Variants in PRR30 observed in about 807,000 individuals in gnomAD.
PRR30 encodes the protein proline rich 30, also known as proline-rich protein 30.
For missense variants in PRR30, 546 were observed against 525.3 expected, an observed-to-expected ratio of 1.04 and a Z score of -0.39; for synonymous variants, 229 against 222.7, an observed-to-expected ratio of 1.03 and a Z score of -0.25.
rs757157414 is a variant in PRR30 at position 27,137,754 on chromosome 2, C to T, written c.576G>A (p.Val192=). ...RDTGSGSPGV[V]ERCVPSEKDP... ...CCTTCTCGCTTGGCACGCATCTCTC[C>T]ACCACTCCAGGGGACCCGGACCCAG... The change falls in exon 3 of 3, where the codon GTG becomes GTA. Residue 192 remains valine, a synonymous_variant. Transcript: ENST00000335524. The surrounding 1 kb of genome is among the most constrained non-coding windows in gnomAD (Gnocchi z 4.3). 1.4e-5 allele frequency: 23 copies of T among 1,613,854 alleles called. No homozygotes were observed. The South Asian group carries it at 2.1e-4, about 15-fold the overall frequency.
intron 1 of PRR30, 105 bp downstream of exon 1, chr2:27,139,198 G>C (rs1376032065): frequency 6.6e-6 from 1 of 152,382 alleles, no homozygotes; most frequent in Non-Finnish European, 1.5e-5. Flanking sequence ...ATCCTGATTC[G>C]GGGGTTCTGC....
Position 27,136,900 on chromosome 2 carries a change from T to C in PRR30, c.*191A>G. On this transcript the variant is annotated 3_prime_UTR_variant, in exon 3 of 3. Coordinates refer to ENST00000335524, the MANE Select transcript of PRR30 (RefSeq NM_178553.4). ...CACGGAGGGCTGAATGGGGCCTTGG[T>C]GCCCTTGGTCCTCTTCAGCCTGGAG... 1.3e-6 allele frequency: 1 copy of C among 753,944 alleles called. No homozygotes were observed. The highest frequency in any genetic ancestry group is 2.1e-6 in the Non-Finnish European group (1 of 479,118). The allele number at this position is 753,944 out of a possible 1,614,324, so 46.7% of individuals were successfully genotyped here. A position where few individuals can be genotyped will look rare whatever the true frequency, so the allele number is the denominator to read the frequency against.
At position 27,137,786 on chromosome 2, in the gene PRR30, T is replaced by G. The variant is rs1280028373; in HGVS notation, c.544A>C (p.Arg182=). 3 of 1,608,768 alleles carry G rather than the reference T, an allele frequency of 1.9e-6. No homozygotes were observed. The highest frequency in any genetic ancestry group is 2.6e-6 in the Non-Finnish European group (3 of 1,176,226). ...CCAGGGGACCCGGACCCAGTGTCCC[T>G]GTACTGATGCCAGCGCCATGTCTGC... The part of the protein sequence containing the change: ...NRQTWRWHQY[R]DTGSGSPGVV... Residue 182 remains arginine, a synonymous_variant, in exon 3 of 3, where the codon AGG becomes CGG. Transcript: ENST00000335524. The surrounding 1 kb of genome is among the most constrained non-coding windows in gnomAD (Gnocchi z 4.3).
rs146122233 is a variant in PRR30 at position 27,137,454 on chromosome 2, G to T, written c.876C>A (p.Leu292=). The part of the protein sequence containing the change: ...PCVQGQESGP[L]RIGIGFGLRL... The stretch of plus-strand genomic sequence containing the variant: ...GGAGGCCGAAGCCGATGCCTATCCG[G>T]AGTGGCCCAGATTCCTGGCCCTGCA... The change falls in exon 3 of 3, where the codon CTC becomes CTA. Residue 292 remains leucine (L), a synonymous_variant. Coordinates refer to ENST00000335524, the MANE Select transcript of PRR30 (RefSeq NM_178553.4). The surrounding 1 kb of genome is among the most constrained non-coding windows in gnomAD (Gnocchi z 4.3). The T allele has an allele frequency of 2.9e-5, 46 of 1,612,108 alleles. No homozygotes were observed. The highest frequency in any genetic ancestry group is 3.4e-6 in the Non-Finnish European group (4 of 1,179,528).
chr2:27,138,509 C>T lies in PRR30; in HGVS notation c.-180G>A. 1 of 1,240,412 alleles carries T rather than the reference C, an allele frequency of 8.1e-7. No homozygotes were observed. The highest frequency in any genetic ancestry group is 2.9e-5 in the Admixed American group (1 of 33,958). The allele number at this position is 1,240,412 out of a possible 1,614,324, so 76.8% of individuals were successfully genotyped here. A position where few individuals can be genotyped will look rare whatever the true frequency, so the allele number is the denominator to read the frequency against. On this transcript the variant is annotated 5_prime_UTR_variant, in exon 3 of 3. Coordinates refer to ENST00000335524, the MANE Select transcript of PRR30 (RefSeq NM_178553.4). ...GGTGGCAGGCCAAGGGGATACCCAGCCCTCCAGCACCAGGCTCTCAGGGTG... is the reference window on the plus strand; with the variant it reads ...GGTGGCAGGCCAAGGGGATACCCAGTCCTCCAGCACCAGGCTCTCAGGGTG...
rs1398983154 is a variant in PRR30 at position 27,137,511 on chromosome 2, C to T, written c.819G>A (p.Arg273=). 1 of 1,595,784 alleles carries T rather than the reference C, an allele frequency of 6.3e-7. No homozygotes were observed. The highest frequency in any genetic ancestry group is 2.2e-5 in the East Asian group (1 of 44,662). ...CPLPRYRTGP[R]LLAFPQLLPC... The stretch of plus-strand genomic sequence containing the variant: ...GCAGTAGTTGAGGGAAAGCAAGCAG[C>T]CGGGGTCCAGTCCTGTACCTGGGGA... Residue 273 remains arginine (R), a synonymous_variant, in exon 3 of 3, where the codon CGG becomes CGA. Coordinates refer to ENST00000335524, the MANE Select transcript of PRR30 (RefSeq NM_178553.4). The surrounding 1 kb of genome is among the most constrained non-coding windows in gnomAD (Gnocchi z 4.3).
In PRR30 at chr2:27,137,273, T is replaced by TGCCTGGGACTGGGTCG. The variant is rs1446701066; in HGVS notation, c.1041_1056dup (p.Thr353ArgfsTer125). 6.2e-7 allele frequency: 1 copy of TGCCTGGGACTGGGTCG among 1,614,058 alleles called. No homozygotes were observed. The highest frequency in any genetic ancestry group is 1.3e-5 in the African/African-American group (1 of 74,930). Reference sequence around the variant, plus strand: ...CTGAAGCTCCTGGTCTGGGAGGGTGTGCCTGGGACTGGGTCGGCCCGGGCC... The same window carrying TGCCTGGGACTGGGTCG: ...CTGAAGCTCCTGGTCTGGGAGGGTGTGCCTGGGACTGGGTCGGCCTGGGACTGGGTCGGCCCGGGCC... On this transcript the variant is annotated frameshift_variant, in exon 3 of 3. Transcript: ENST00000335524. LOFTEE classifies it low-confidence loss of function (END_TRUNC). This position sits in a 1 kb window ranked among gnomAD's most constrained non-coding sequence, Gnocchi z 4.3.
At position 27,137,513 on chromosome 2, in the gene PRR30, G is replaced by A. The variant is rs550970267; in HGVS notation, c.817C>T (p.Arg273Trp). ...CPLPRYRTGP[R>W]LLAFPQLLPC... ...AGTAGTTGAGGGAAAGCAAGCAGCCGGGGTCCAGTCCTGTACCTGGGGAGG... is the reference window on the plus strand; with the variant it reads ...AGTAGTTGAGGGAAAGCAAGCAGCCAGGGTCCAGTCCTGTACCTGGGGAGG... The change falls in exon 3 of 3, where the codon CGG becomes TGG. Residue 273 changes from arginine (R) to tryptophan (W), a missense_variant. Arg to Trp is a moderately radical substitution (Grantham distance 101, BLOSUM62 -3). Transcript: ENST00000335524. This position sits in a 1 kb window ranked among gnomAD's most constrained non-coding sequence, Gnocchi z 4.3. The A allele has an allele frequency of 1.8e-5, 29 of 1,595,552 alleles. No individual in the cohort carries two copies. The highest frequency in any genetic ancestry group is 1.7e-4 in the African/African-American group (13 of 74,644).
Position 27,137,487 on chromosome 2 carries a change from C to T in PRR30, c.843G>A (p.Leu281=), listed in dbSNP as rs923892135. The change falls in exon 3 of 3, where the codon CTG becomes CTA. Residue 281 remains leucine, a synonymous_variant. Transcript: ENST00000335524. The surrounding 1 kb of genome is among the most constrained non-coding windows in gnomAD (Gnocchi z 4.3). ...GPRLLAFPQL[L]PCVQGQESGP... ...CAGATTCCTGGCCCTGCACACAGGG[C>T]AGTAGTTGAGGGAAAGCAAGCAGCC... is the stretch of plus-strand genomic sequence containing the variant. 1.9e-6 allele frequency: 3 copies of T among 1,604,440 alleles called. No individual in the cohort carries two copies. Among genetic ancestry groups the T allele is most frequent in the African/African-American group, 2.7e-5 (2 of 74,748 alleles).
Position 27,138,099 on chromosome 2 carries a change from G to A in PRR30, c.231C>T (p.Asp77=). The part of the protein sequence containing the change: ...PSPGFQFGSC[D]SNSDFAPHPY... ...GATGTGGAGCAAAGTCAGAATTTGA[G>A]TCACAAGAGCCGAATTGGAAGCCAG... is the stretch of plus-strand genomic sequence containing the variant. The change falls in exon 3 of 3, where the codon GAC becomes GAT. Residue 77 remains aspartate, a synonymous_variant. Transcript: ENST00000335524. 1 of 1,614,032 alleles carries A rather than the reference G, an allele frequency of 6.2e-7. No individual in the cohort carries two copies. The highest frequency in any genetic ancestry group is 8.5e-7 in the Non-Finnish European group (1 of 1,180,008).
rs766781312 is a variant in PRR30, at chr2:27,137,784, C to A, written c.546G>T (p.Arg182Ser). 2 of 1,610,292 alleles carry A rather than the reference C, an allele frequency of 1.2e-6. No individual in the cohort carries two copies. The highest frequency in any genetic ancestry group is 2.2e-5 in the South Asian group (2 of 90,960). ...CTCCAGGGGACCCGGACCCAGTGTC[C>A]CTGTACTGATGCCAGCGCCATGTCT... ...NRQTWRWHQYRDTGSGSPGVV... is the reference protein window; with the variant it reads ...NRQTWRWHQYSDTGSGSPGVV... The change falls in exon 3 of 3, where the codon AGG (arginine) becomes AGT (serine). Residue 182 changes from arginine to serine, a missense_variant. Arg to Ser is a moderately radical substitution (Grantham distance 110, BLOSUM62 -1). Transcript: ENST00000335524. The surrounding 1 kb of genome is among the most constrained non-coding windows in gnomAD (Gnocchi z 4.3).
Position 27,137,363 on chromosome 2 carries a change from G to A in PRR30, c.967C>T (p.Pro323Ser). Residue 323 changes from proline (P) to serine (S), a missense_variant, in exon 3 of 3, where the codon CCT (proline) becomes TCT (serine). Coordinates refer to ENST00000335524, the MANE Select transcript of PRR30 (RefSeq NM_178553.4). This position sits in a 1 kb window ranked among gnomAD's most constrained non-coding sequence, Gnocchi z 4.3. ...LPEKRPKEAG[P>S]QGKATQACGH... ...CAGGCCTGAGTAGCCTTGCCCTGAG[G>A]CCCTGCTTCCTTCGGCCTTTTCTCG... 2 of 1,614,182 alleles carry A rather than the reference G, an allele frequency of 1.2e-6. No individual in the cohort carries two copies. The highest frequency in any genetic ancestry group is 1.7e-6 in the Non-Finnish European group (2 of 1,180,050).
In PRR30 at chr2:27,137,874, C is replaced by G. The variant is rs371356602; in HGVS notation, c.456G>C (p.Leu152=). ...CTGGGGAAGTGAGTGTGGAGCTATGCAGTTCCTCGGGGTGGGAAGGGGACT... is the reference window on the plus strand; with the variant it reads ...CTGGGGAAGTGAGTGTGGAGCTATGGAGTTCCTCGGGGTGGGAAGGGGACT... ...PCQSPSHPEE[L]HSSTLTSPGP... is the part of the protein sequence containing the mutation. The change falls in exon 3 of 3, where the codon CTG becomes CTC. Residue 152 remains leucine (L), a synonymous_variant. Coordinates refer to ENST00000335524, the MANE Select transcript of PRR30 (RefSeq NM_178553.4). The surrounding 1 kb of genome is among the most constrained non-coding windows in gnomAD (Gnocchi z 4.3). The G allele has an allele frequency of 3.8e-6, 6 of 1,597,714 alleles. No homozygotes were observed. In the African/African-American group the frequency reaches 8.1e-5, roughly 21 times the overall value.
Position 27,137,986 on chromosome 2 carries a change from T to C in PRR30, c.344A>G (p.Asn115Ser), listed in dbSNP as rs1558483625. 2 of 1,610,352 alleles carry C rather than the reference T, an allele frequency of 1.2e-6. No individual in the cohort carries two copies. ...LPRPRASSPS[N>S]HWLYPSPPLT... ...AGGGGGAGAGGGGTACAGCCAGTGG[T>C]TGGAGGGAGAGGATGCACGTGGACG... The change falls in exon 3 of 3, where the codon AAC (asparagine) becomes AGC (serine). Residue 115 changes from asparagine to serine, a missense_variant. By Grantham distance (46) the Asn-to-Ser change is conservative (BLOSUM62 1). Coordinates refer to ENST00000335524, the MANE Select transcript of PRR30 (RefSeq NM_178553.4). The surrounding 1 kb of genome is among the most constrained non-coding windows in gnomAD (Gnocchi z 4.3).
At position 27,137,054 on chromosome 2, in the gene PRR30, G is replaced by A. The variant is rs1276712410; in HGVS notation, c.*37C>T. ...GGGCCTGGTTGGGAGGGTTGGGTTT[G>A]GAGGGGGTGTTCCAGGGGGCCTCCG... On this transcript the variant is annotated 3_prime_UTR_variant, in exon 3 of 3. Coordinates refer to ENST00000335524, the MANE Select transcript of PRR30 (RefSeq NM_178553.4). This position sits in a 1 kb window ranked among gnomAD's most constrained non-coding sequence, Gnocchi z 4.3. 1.3e-6 allele frequency: 2 copies of A among 1,599,554 alleles called. No homozygotes were observed. The highest frequency in any genetic ancestry group is 2.2e-5 in the South Asian group (2 of 89,678).
At position 27,137,020 on chromosome 2, in the gene PRR30, C is replaced by T. The variant is rs1356412455; in HGVS notation, c.*71G>A. 2.1e-5 allele frequency: 33 copies of T among 1,545,134 alleles called. No individual in the cohort carries two copies. In the South Asian group the frequency reaches 3.2e-4, roughly 15 times the overall value. ...CCTTCAGGGTGTCTCGGGGACTCCC[C>T]GAGATCTGGGGCCTGGTTGGGAGGG... On this transcript the variant is annotated 3_prime_UTR_variant, in exon 3 of 3. Coordinates refer to ENST00000335524, the MANE Select transcript of PRR30 (RefSeq NM_178553.4). The surrounding 1 kb of genome is among the most constrained non-coding windows in gnomAD (Gnocchi z 4.3).
Position 27,138,523 on chromosome 2 carries a change from G to T in PRR30, c.-194C>A, listed in dbSNP as rs1333639084. 2 of 1,112,110 alleles carry T rather than the reference G, an allele frequency of 1.8e-6. No homozygotes were observed. The highest frequency in any genetic ancestry group is 2.5e-6 in the Non-Finnish European group (2 of 807,040). 68.9% of individuals were successfully genotyped at this position (1,112,110 alleles called of 1,614,324 possible). ...GGGATACCCAGCCCTCCAGCACCAG[G>T]CTCTCAGGGTGTTCAGGCATGAGCA... On this transcript the variant is annotated 5_prime_UTR_variant, in exon 3 of 3. Transcript: ENST00000335524.
Position 27,137,933 on chromosome 2 carries a change from G to T in PRR30, c.397C>A (p.Pro133Thr). Reference protein sequence around the residue: ...PLTPSFSPSQPQNSSLPHSPC... With the variant: ...PLTPSFSPSQTQNSSLPHSPC... ...GAGTGGGGAAGGGAGGAGTTCTGAG[G>T]CTGGGAGGGAGAAAAGGAAGGGGTC... Residue 133 changes from proline to threonine, a missense_variant, in exon 3 of 3, where the codon CCT becomes ACT. Pro to Thr is a conservative substitution (Grantham distance 38, BLOSUM62 -1). Coordinates refer to ENST00000335524, the MANE Select transcript of PRR30 (RefSeq NM_178553.4). This position sits in a 1 kb window ranked among gnomAD's most constrained non-coding sequence, Gnocchi z 4.3. The T allele has an allele frequency of 6.2e-7, 1 of 1,611,040 alleles. No homozygotes were observed. Among genetic ancestry groups the T allele is most frequent in the Non-Finnish European group, 8.5e-7 (1 of 1,178,606 alleles).
rs770356521 is a variant in PRR30, at chr2:27,137,772, G to T, written c.558C>A (p.Ser186=). The stretch of plus-strand genomic sequence containing the variant: ...ATCTCTCCACCACTCCAGGGGACCC[G>T]GACCCAGTGTCCCTGTACTGATGCC... The part of the protein sequence containing the change: ...WRWHQYRDTG[S]GSPGVVERCV... The change falls in exon 3 of 3, where the codon TCC becomes TCA. Residue 186 remains serine (S), a synonymous_variant. Coordinates refer to ENST00000335524, the MANE Select transcript of PRR30 (RefSeq NM_178553.4). This position sits in a 1 kb window ranked among gnomAD's most constrained non-coding sequence, Gnocchi z 4.3. The T allele has an allele frequency of 1.9e-6, 3 of 1,613,276 alleles. No homozygotes were observed. The highest frequency in any genetic ancestry group is 2.2e-5 in the East Asian group (1 of 44,846).
Sources: gnomAD v4.1 joint callset for allele counts on GRCh38, gnomAD v4.1.1 for gene constraint, Gnocchi (gnomAD v3.1) non-coding constraint, MANE v1.5 for transcripts, NCBI Gene and HGNC (gene_info 2026-07-23, HGNC 2026-07-21) for gene names.